The following CSMD1 variants were observed in gnomAD, a reference collection of about 807,000 sequenced individuals.
CSMD1 encodes CUB and Sushi multiple domains 1.
CSMD1 carries 213 observed loss-of-function variants against 417.5 expected under a neutral mutation model. The observed-to-expected ratio is 0.51, with a 90% confidence interval of 0.46 to 0.57. The LOEUF (loss-of-function observed/expected upper bound fraction) is 0.57. Ranked by LOEUF, CSMD1 falls within the 20% of genes least tolerant of loss-of-function variation. CSMD1 has a pLI of 0.00. For synonymous variants in CSMD1, 2,862 were observed against 1,736.8 expected (o/e 1.65, Z -16.11); for missense variants, 6,923 against 4,529.7 (o/e 1.53, Z -15.17).
At chr8:3,009,853 T>G (rs1338908775) in intron 52 of CSMD1, among the ~76,000 whole-genome samples, 1 of 152,092 alleles carries the variant, frequency 6.6e-6, no homozygotes, top group African/African-American at 2.4e-5. Flanking sequence ...TTTGATCAGA[T>G]CTCTGCTTCA....
intron 47 of CSMD1, among the ~76,000 whole-genome samples, chr8:3,092,814 A>G (rs979029479): frequency 3.9e-5 from 6 of 152,198 alleles, no homozygotes; most frequent in African/African-American, 1.4e-4. Context: ...GCTCAGCATT[A>G]TCTCATACTC....
chr8:3,713,124 G>T (rs1399920145), intron 6 of CSMD1, among the ~76,000 whole-genome samples: 5 of 152,058 alleles, frequency 3.3e-5, no homozygotes, highest in Non-Finnish European at 7.4e-5. Flanking sequence ...TAAATTATGG[G>T]GGAAATATTT....
chr8:4,404,364 T>A (rs1804864909), intron 3 of CSMD1, among the ~76,000 whole-genome samples: 1 of 152,202 alleles, frequency 6.6e-6, no homozygotes, highest in South Asian at 2.1e-4. Flanking sequence ...GCAGGGATTT[T>A]GTGCTGTTTT....
At chr8:4,261,682 C>G (rs569279093) in intron 3 of CSMD1, among the ~76,000 whole-genome samples, 2 of 152,206 alleles carry the variant, frequency 1.3e-5, no homozygotes, top group South Asian at 4.1e-4. Flanking sequence ...AATGCTGGGA[C>G]TACAGGCATG....
intron 12 of CSMD1, among the ~76,000 whole-genome samples, chr8:3,425,421 C>G (rs1291548734): frequency 6.6e-6 from 1 of 151,778 alleles, no homozygotes; most frequent in East Asian, 1.9e-4. Flanking sequence ...AACCCTGTCT[C>G]TACTAAAAAT....
At chr8:4,696,157 A>G (rs1807116561) in intron 1 of CSMD1, among the ~76,000 whole-genome samples, 1 of 152,254 alleles carries the variant, frequency 6.6e-6, no homozygotes, top group Non-Finnish European at 1.5e-5. Context: ...CATGAAAATC[A>G]TTCAATAAAT....
At chr8:3,791,627 C>G (rs1184711933) in intron 5 of CSMD1, among the ~76,000 whole-genome samples, 1 of 152,134 alleles carries the variant, frequency 6.6e-6, no homozygotes, top group East Asian at 1.9e-4. Flanking sequence ...AGTTCAAGAC[C>G]AGCCTGGTCA....
chr8:4,415,172 G>A lies in CSMD1; in HGVS notation c.415+4781C>T, dbSNP rs561056774. ...ATAGGGCAGAAAGGCTCAGCTCCAG[G>A]CTCTCTGAGCTCCAGAGAACCCAGG... On this transcript the variant is annotated intron_variant, in intron 3 of 69. Transcript: ENST00000635120. 2.4e-4 allele frequency among the ~76,000 whole-genome samples: 36 copies of A among 152,090 alleles called. 2 individuals carry two copies. The South Asian group carries it at 6.9e-3, about 29-fold the overall frequency.
intron 11 of CSMD1, among the ~76,000 whole-genome samples, chr8:3,489,261 C>T (rs1818230617): frequency 6.6e-6 from 1 of 152,114 alleles, no homozygotes; most frequent in African/African-American, 2.4e-5. Flanking sequence ...AAGAAAGAAC[C>T]AGTATCCTGA....
chr8:4,319,255 T>G (rs781463590), intron 3 of CSMD1, among the ~76,000 whole-genome samples: 2 of 152,148 alleles, frequency 1.3e-5, no homozygotes, highest in Non-Finnish European at 2.9e-5. Flanking sequence ...CCCTTTTGCT[T>G]TCCTTCAATT....
chr8:3,453,141 T>C (rs1411766266), intron 12 of CSMD1, among the ~76,000 whole-genome samples: 1 of 152,236 alleles, frequency 6.6e-6, no homozygotes, highest in Non-Finnish European at 1.5e-5. Flanking sequence ...GTAGTTTGTA[T>C]TTCCATGGGA....
At chr8:4,416,382 A>C (rs1216312207) in intron 3 of CSMD1, among the ~76,000 whole-genome samples, 1 of 152,178 alleles carries the variant, frequency 6.6e-6, no homozygotes, top group South Asian at 2.1e-4. Context: ...TTTTAAAAAT[A>C]TAACCAATAT....
intron 23 of CSMD1, among the ~76,000 whole-genome samples, chr8:3,317,680 T>C (rs1425703920): frequency 6.6e-6 from 1 of 152,244 alleles, no homozygotes; most frequent in Non-Finnish European, 1.5e-5. Flanking sequence ...TGGTTAATAC[T>C]ACGTTTATTT....
chr8:3,690,413 A>G (rs1443089981), intron 7 of CSMD1, among the ~76,000 whole-genome samples: 1 of 152,260 alleles, frequency 6.6e-6, no homozygotes, highest in African/African-American at 2.4e-5. Context: ...TTGATAAAAT[A>G]TTTGAAGCAA....
chr8:4,919,110 A>C (rs1371721666), intron 1 of CSMD1, among the ~76,000 whole-genome samples: 1 of 152,228 alleles, frequency 6.6e-6, no homozygotes, highest in African/African-American at 2.4e-5. Context: ...GTAACATGTC[A>C]TGCCTTACTT....
At chr8:3,763,321 C>T (rs546525318) in intron 5 of CSMD1, among the ~76,000 whole-genome samples, 3 of 152,076 alleles carry the variant, frequency 2.0e-5, no homozygotes, top group Non-Finnish European at 4.4e-5. Flanking sequence ...GGAGGTGGGG[C>T]CCTGTGGGAG....
At position 4,606,593 on chromosome 8, in the gene CSMD1, G is replaced by T. The variant is rs554749131; in HGVS notation, c.302+30749C>A. Among the ~76,000 whole-genome samples, 33 of 152,316 alleles carry T rather than the reference G, an allele frequency of 2.2e-4. No homozygotes were observed. In the South Asian group the frequency reaches 6.0e-3, roughly 28 times the overall value. On this transcript the variant is annotated intron_variant, in intron 2 of 69. Transcript: ENST00000635120. The stretch of plus-strand genomic sequence containing the variant: ...TTCTCTCAAGGACCAGGTAATGAGG[G>T]AGAACCACTTGAAATTAGCAAAACG...
At chr8:3,500,116 C>T (rs1332558241) in intron 10 of CSMD1, among the ~76,000 whole-genome samples, 1 of 152,086 alleles carries the variant, frequency 6.6e-6, no homozygotes, top group South Asian at 2.1e-4. Context: ...CTGAACGGAT[C>T]CTACCTGCGC....
At chr8:4,689,952 A>T (rs1240795122) in intron 1 of CSMD1, among the ~76,000 whole-genome samples, 1 of 152,206 alleles carries the variant, frequency 6.6e-6, no homozygotes, top group Non-Finnish European at 1.5e-5. Flanking sequence ...CCCTGCAGGA[A>T]GTGGGCTGTA....
Sources: allele counts gnomAD v4.1 joint callset (sites outside exome capture counted in the v4.1 genomes callset), GRCh38; gene constraint gnomAD v4.1.1; transcripts MANE v1.5; gene names NCBI Gene and HGNC (gene_info 2026-07-23, HGNC 2026-07-21).